The following OTC variants were observed in gnomAD, a reference collection of about 807,000 sequenced individuals.
The protein encoded by OTC is ornithine transcarbamylase, mitochondrial.
Under a neutral mutation model 30.3 loss-of-function variants are expected in OTC, and 3 were observed. The ratio of observed to expected loss-of-function variants is 0.10; its 90% CI spans 0.05 to 0.26. OTC has a LOEUF of 0.26. Among genes scored for constraint, OTC ranks in the 10% least tolerant of loss-of-function variants. The probability of loss-of-function intolerance (pLI) is 1.00; values close to 1 mark genes in which losing one functional copy is unlikely to be tolerated. For synonymous variants in OTC, 111 were observed against 99.7 expected (o/e 1.11, Z -0.67); for missense variants, 194 against 260.3 (o/e 0.75, Z 1.75).
chrX:38,343,729 T>C, the OTC span, among the ~76,000 whole-genome samples: 1 of 112,465 alleles, frequency 8.9e-6, no homozygotes, highest in Non-Finnish European at 1.9e-5. Flanking sequence ...AACAGAATAA[T>C]GATTTCAATG....
At position 38,403,445 on chromosome X, in the gene OTC, G is replaced by GATT. The variant is rs3047852; in HGVS notation, c.541-172_541-170dup. ...TTAAGACATTTTACCACGTTTTTGG[G>GATT]ATTGTACATTCATATTATTGAGTTG... On this transcript the variant is annotated intron_variant, in intron 5 of 9. Coordinates refer to ENST00000039007, the MANE Select transcript of OTC (RefSeq NM_000531.6). Among the ~76,000 whole-genome samples, 51,032 of 110,288 alleles carry GATT rather than the reference G, an allele frequency of 0.46. 9,604 individuals are homozygous for GATT. The highest frequency in any genetic ancestry group is 0.7 in the African/African-American group (21,070 of 30,258).
At chrX:38,352,419 A>C (rs755166532), upstream of OTC, 1 of 324,800 alleles carries the variant, frequency 3.1e-6, no homozygotes, top group Non-Finnish European at 5.5e-6. Context: ...CAGTATAAAT[A>C]TATTATGAAA....
At chrX:38,342,165 G>C in the OTC span, among the ~76,000 whole-genome samples, 1 of 108,113 alleles carries the variant, frequency 9.2e-6, no homozygotes, top group South Asian at 4.1e-4. Flanking sequence ...TGGGATTACA[G>C]GTGTCCGCCA....
chrX:38,406,931 A>G (rs2068518308), intron 6 of OTC, among the ~76,000 whole-genome samples: 4 of 112,665 alleles, frequency 3.6e-5, no homozygotes, highest in Non-Finnish European at 7.5e-5. Context: ...GTAGACAATC[A>G]TGTGCAAATA....
At chrX:38,386,363 A>G (rs1453497736) in intron 4 of OTC, among the ~76,000 whole-genome samples, 1 of 65,362 alleles carries the variant, frequency 1.5e-5, no homozygotes, top group East Asian at 4.8e-4. Context: ...ACAGAGTGAG[A>G]CTCCATCTCA....
chrX:38,385,645 A>G (rs1045766529), intron 4 of OTC, among the ~76,000 whole-genome samples: 1 of 109,502 alleles, frequency 9.1e-6, no homozygotes, highest in South Asian at 3.8e-4. Context: ...AAAATCTTCA[A>G]ACAAATACAT....
intron 4 of OTC, among the ~76,000 whole-genome samples, chrX:38,400,682 C>T (rs899414803): frequency 2.7e-5 from 3 of 112,150 alleles, no homozygotes; most frequent in Non-Finnish European, 5.6e-5. Context: ...AATGGCCCAG[C>T]GCTATTCTCC....
At chrX:38,335,925 TC>T in the OTC span, among the ~76,000 whole-genome samples, 1 of 111,909 alleles carries the variant, frequency 8.9e-6, no homozygotes, top group Non-Finnish European at 1.9e-5. Context: ...GTTTTTTTTT[TC>T]CTTCTTTAAC....
intron 9 of OTC, 77 bp from the exon 10 acceptor site, chrX:38,420,946 A>T: frequency 1.0e-5 from 7 of 666,762 alleles, no homozygotes; most frequent in Non-Finnish European, 1.7e-5. Flanking sequence ...GCTGAAACCT[A>T]ATTCACCTTC....
the OTC span, among the ~76,000 whole-genome samples, chrX:38,344,230 TATATATATATACACACAC>T: frequency 6.5e-4 from 42 of 64,798 alleles, no homozygotes; most frequent in East Asian, 2.5e-3. Context: ...CTTTTGGTGA[TATATATATATACACACAC>T]ACACACACAC....
At chrX:38,361,356 C>T (rs776768004) in intron 1 of OTC, among the ~76,000 whole-genome samples, 16 of 111,194 alleles carry the variant, frequency 1.4e-4, no homozygotes, top group Non-Finnish European at 2.1e-4. Context: ...GAATGTAAAT[C>T]GAGTTATGGA....
At chrX:38,398,520 G>T (rs1326086442) in intron 4 of OTC, among the ~76,000 whole-genome samples, 8 of 111,185 alleles carry the variant, frequency 7.2e-5, no homozygotes, top group African/African-American at 2.6e-4. Flanking sequence ...TTTTTTATTT[G>T]TCTGTACACA....
intron 4 of OTC, among the ~76,000 whole-genome samples, chrX:38,398,999 A>G (rs1325883986): frequency 8.9e-6 from 1 of 111,818 alleles, no homozygotes; most frequent in African/African-American, 3.3e-5. Context: ...TTTTCCCTCA[A>G]TTCCCTCCCT....
chrX:38,361,635 A>G (rs1265716716), intron 1 of OTC, among the ~76,000 whole-genome samples: 1 of 112,461 alleles, frequency 8.9e-6, no homozygotes, highest in Non-Finnish European at 1.9e-5. Context: ...TTACCAAAAC[A>G]TAGAAAAGAT....
At chrX:38,396,076 C>T (rs1299782747) in intron 4 of OTC, among the ~76,000 whole-genome samples, 1 of 108,520 alleles carries the variant, frequency 9.2e-6, no homozygotes, top group African/African-American at 3.4e-5. Context: ...CCTCAGCCTC[C>T]TGAGTAGCTG....
Position 38,356,050 on chromosome X carries a change from C to CAA in OTC, c.77+3301_77+3302dup, listed in dbSNP as rs138806207. Among the ~76,000 whole-genome samples, 418 of 52,591 alleles carry CAA rather than the reference C, an allele frequency of 7.9e-3. 7 individuals carry two copies. Among genetic ancestry groups the CAA allele is most frequent in the African/African-American group, 0.026 (344 of 13,005 alleles). The allele number at this position is 52,591 out of a possible 115,157, so 45.7% of individuals were successfully genotyped here. On this transcript the variant is annotated intron_variant, in intron 1 of 9. Transcript: ENST00000039007. ...TGGGTGACAGAGCGAGACTCTGTCT[C>CAA]AAAAAAAAAAAAAAAAAAAAAAAAA...
intron 3 of OTC, among the ~76,000 whole-genome samples, chrX:38,373,930 C>T (rs964817282): frequency 3.6e-5 from 4 of 111,734 alleles, no homozygotes; most frequent in African/African-American, 1.3e-4. Context: ...TTTGGGAGTC[C>T]GAGGCAGGTG....
intron 4 of OTC, 90 bp from the exon 5 acceptor site, chrX:38,401,185 G>C: frequency 1.5e-6 from 1 of 687,992 alleles, no homozygotes; most frequent in East Asian, 3.5e-5. Context: ...CTATTTATTA[G>C]TATTTCTTGT....
chrX:38,420,300 A>G (rs5963427), intron 9 of OTC, among the ~76,000 whole-genome samples: 55,278 of 109,810 alleles, frequency 0.5, 11,558 homozygotes, highest in African/African-American at 0.79. Flanking sequence ...GAGATAATGC[A>G]TGAACATTTT....
Sources: gnomAD v4.1 joint callset for allele counts (sites outside exome capture counted in the v4.1 genomes callset) on GRCh38, gnomAD v4.1.1 for gene constraint, MANE v1.5 for transcripts, NCBI Gene and HGNC (gene_info 2026-07-23, HGNC 2026-07-21) for gene names.